SNX29: variants seen among roughly 807,000 people sequenced by gnomAD.
The protein encoded by SNX29 is sorting nexin-29.
SNX29 carries 78 observed loss-of-function variants against 102.1 expected under a neutral mutation model. The ratio of observed to expected loss-of-function variants is 0.76; its 90% CI spans 0.64 to 0.92. The LOEUF (loss-of-function observed/expected upper bound fraction) is 0.92, where lower values mean the gene tolerates loss of function less well. Ranked by LOEUF, SNX29 falls within the 40% of genes least tolerant of loss-of-function variation. The pLI is 0.00. For synonymous variants in SNX29, 580 were observed against 414.5 expected (o/e 1.40, Z -4.85); for missense variants, 1,280 against 1,061.7 (o/e 1.21, Z -2.86).
rs538458322 is a variant in SNX29, at chr16:12,019,591, TATAGATAGATAG to T, written c.123-7705_123-7694del. Among the ~76,000 whole-genome samples the T allele has an allele frequency of 3.3e-3, 478 of 142,830 alleles. 2 individuals carry two copies. Among genetic ancestry groups the T allele is most frequent in the African/African-American group, 0.012 (436 of 37,574 alleles). 93.7% of individuals were successfully genotyped at this position (142,830 alleles called of 152,430 possible). A position where few individuals can be genotyped will look rare whatever the true frequency, so the allele number is the denominator to read the frequency against. On this transcript the variant is annotated intron_variant, in intron 3 of 20. Transcript: ENST00000566228. ...ATTGTTATATATGTAAATATATATA[TATAGATAGATAG>T]ATAGATAGATAGATAGATAGATATA...
chr16:12,194,475 G>A (rs1027242362), intron 13 of SNX29, among the ~76,000 whole-genome samples: 2 of 152,078 alleles, frequency 1.3e-5, no homozygotes, highest in Non-Finnish European at 2.9e-5. Flanking sequence ...TTTTGGGTGG[G>A]GAGGGCCTTA....
intron 20 of SNX29, among the ~76,000 whole-genome samples, chr16:12,567,644 C>G (rs965919174): frequency 6.6e-6 from 1 of 152,134 alleles, no homozygotes; most frequent in Non-Finnish European, 1.5e-5. Context: ...TACCTATAGT[C>G]CCAGCTGCTC....
chr16:12,393,306 T>C (rs548195741), intron 16 of SNX29, among the ~76,000 whole-genome samples: 2 of 151,036 alleles, frequency 1.3e-5, no homozygotes, highest in African/African-American at 2.4e-5. Context: ...TTCCCATGCA[T>C]CAAGATTTTG....
chr16:12,271,088 A>G (rs1846219976), intron 14 of SNX29, among the ~76,000 whole-genome samples: 1 of 152,220 alleles, frequency 6.6e-6, no homozygotes, highest in South Asian at 2.1e-4. Context: ...TAACTATGGA[A>G]TGATTAAAGA....
At chr16:12,191,377 C>T (rs562903506) in intron 13 of SNX29, among the ~76,000 whole-genome samples, 1 of 152,306 alleles carries the variant, frequency 6.6e-6, no homozygotes, top group African/African-American at 2.4e-5. Flanking sequence ...TGAGTCCCAG[C>T]TCTGCCACTT....
At position 12,132,209 on chromosome 16, in the gene SNX29, C is replaced by T. The variant is rs555874345; in HGVS notation, c.1595+2451C>T. Among the ~76,000 whole-genome samples, 26 of 152,024 alleles carry T rather than the reference C, an allele frequency of 1.7e-4. No individual in the cohort carries two copies. In the South Asian group the frequency reaches 4.4e-3, roughly 26 times the overall value. On this transcript the variant is annotated intron_variant, in intron 13 of 20. Transcript: ENST00000566228. ...TGCCTCCCGGGTTCAGGTGATTCTCCGGCCTCAACCTCCCAAGTAGCTGGT... is the reference window on the plus strand; with the variant it reads ...TGCCTCCCGGGTTCAGGTGATTCTCTGGCCTCAACCTCCCAAGTAGCTGGT...
In SNX29 at chr16:12,328,221, T is replaced by C. The variant is rs74991070; in HGVS notation, c.1783-27942T>C. 8.2e-3 allele frequency among the ~76,000 whole-genome samples: 1,256 copies of C among 152,316 alleles called. 20 individuals are homozygous for C. Among genetic ancestry groups the C allele is most frequent in the African/African-American group, 0.028 (1,153 of 41,564 alleles). On this transcript the variant is annotated intron_variant, in intron 15 of 20. Coordinates refer to ENST00000566228, the MANE Select transcript of SNX29 (RefSeq NM_032167.5). ...CTAGTTGTTCTTTTATCCTAGCTGTTGCTTTTATTATTTTACTACTACTGT... is the reference window on the plus strand; with the variant it reads ...CTAGTTGTTCTTTTATCCTAGCTGTCGCTTTTATTATTTTACTACTACTGT...
rs1482799284 is a variant in SNX29 at position 12,570,250 on chromosome 16, T to C, written c.*1621T>C. The C allele has an allele frequency of 2.8e-6, 3 of 1,065,034 alleles. No homozygotes were observed. The highest frequency in any genetic ancestry group is 3.4e-6 in the Non-Finnish European group (3 of 879,212). The allele number at this position is 1,065,034 out of a possible 1,614,324, so 66.0% of individuals were successfully genotyped here. ...CCTGCCCCGGTGAGACCAAATGAGC[T>C]GGAGCATGTATGGAGGTGCGGACCC... On this transcript the variant is annotated 3_prime_UTR_variant, in exon 21 of 21. Transcript: ENST00000566228.
chr16:12,067,282 A>G (rs749159183), intron 9 of SNX29, among the ~76,000 whole-genome samples: 2 of 150,568 alleles, frequency 1.3e-5, no homozygotes, highest in Non-Finnish European at 3.0e-5. Context: ...GGTTAAAACA[A>G]TTTTTTTTTT....
At chr16:12,568,304 T>TAAAAAAAAAAAA (rs34750195) in intron 20 of SNX29, among the ~76,000 whole-genome samples, 2 of 146,420 alleles carry the variant, frequency 1.4e-5, no homozygotes, top group East Asian at 4.1e-4. Context: ...GGAGTGCTGT[T>TAAAAAAAAAAAA]AAAAAAAAAA....
intron 16 of SNX29, 107 bp from the exon 17 acceptor site, chr16:12,398,339 T>C (rs1397092362): frequency 1.6e-6 from 2 of 1,217,130 alleles, no homozygotes; most frequent in East Asian, 2.3e-5. Context: ...TCATTCTGAA[T>C]AGGAAATGTT....
chr16:12,348,315 A>G (rs1245042307), intron 15 of SNX29, among the ~76,000 whole-genome samples: 1 of 152,032 alleles, frequency 6.6e-6, no homozygotes, highest in African/African-American at 2.4e-5. Flanking sequence ...ACCATTTTGG[A>G]GAAGGCTTAC....
chr16:12,543,991 A>T (rs1055791690), intron 20 of SNX29, among the ~76,000 whole-genome samples: 1 of 152,196 alleles, frequency 6.6e-6, no homozygotes, highest in South Asian at 2.1e-4. Flanking sequence ...AGGTCACACC[A>T]TGGGTTAAAT....
intron 13 of SNX29, among the ~76,000 whole-genome samples, chr16:12,144,885 C>T (rs182810031): frequency 9.2e-5 from 14 of 152,312 alleles, no homozygotes; most frequent in African/African-American, 2.9e-4. Flanking sequence ...CCACACCCGG[C>T]AAAGTTTTTG....
chr16:12,501,220 A>AC (rs2089106333), intron 19 of SNX29, among the ~76,000 whole-genome samples: 1 of 152,044 alleles, frequency 6.6e-6, no homozygotes, highest in African/African-American at 2.4e-5. Context: ...ACATAGTGAG[A>AC]CCCCATCCCT....
chr16:12,400,411 A>G (rs2083893964), intron 17 of SNX29, among the ~76,000 whole-genome samples: 1 of 152,212 alleles, frequency 6.6e-6, no homozygotes, highest in South Asian at 2.1e-4. Flanking sequence ...AACAACCTTC[A>G]GAGATGGGTG....
chr16:12,449,245 A>G (rs138700895), intron 18 of SNX29, among the ~76,000 whole-genome samples: 1 of 152,036 alleles, frequency 6.6e-6, no homozygotes, highest in African/African-American at 2.4e-5. Flanking sequence ...GGAGAGGAGA[A>G]GAGACCAGGG....
chr16:12,484,177 C>T (rs1486630904), intron 19 of SNX29, among the ~76,000 whole-genome samples: 1 of 152,154 alleles, frequency 6.6e-6, no homozygotes, highest in Non-Finnish European at 1.5e-5. Flanking sequence ...GAGACAGGGT[C>T]TCTCTCTGTC....
At chr16:11,980,204 C>G (rs2055384300) in intron 1 of SNX29, among the ~76,000 whole-genome samples, 1 of 152,176 alleles carries the variant, frequency 6.6e-6, no homozygotes, top group African/African-American at 2.4e-5. Flanking sequence ...AACCACTCAT[C>G]TACTTTCTGT....
Sources: gnomAD v4.1 joint callset for allele counts (sites outside exome capture counted in the v4.1 genomes callset) on GRCh38, gnomAD v4.1.1 for gene constraint, MANE v1.5 for transcripts, NCBI Gene and HGNC (gene_info 2026-07-23, HGNC 2026-07-21) for gene names.